PSORS1C1: variants seen among roughly 807,000 people sequenced by gnomAD.
PSORS1C1 encodes the protein psoriasis susceptibility 1 candidate 1, also known as psoriasis susceptibility 1 candidate gene 1 protein.
In PSORS1C1, 7 loss-of-function variants were observed where a neutral mutation model predicts 9.4. The observed-to-expected ratio is 0.75, with a 90% CI of 0.42 to 1.40. The LOEUF (loss-of-function observed/expected upper bound fraction) is 1.40. PSORS1C1 is among the 40% of genes most tolerant of loss of function. The pLI is 0.01. For synonymous variants in PSORS1C1, 63 were observed against 69.4 expected, an observed-to-expected ratio of 0.91 and a Z score of 0.46; for missense variants, 146 against 178.1, an observed-to-expected ratio of 0.82 and a Z score of 1.02.
intron 3 of PSORS1C1, among the ~76,000 whole-genome samples, chr6:31,130,133 C>T (rs1164359067): frequency 6.7e-6 from 1 of 149,300 alleles, no homozygotes; most frequent in Non-Finnish European, 1.5e-5. Flanking sequence ...TTTTTTCCTC[C>T]TAACTAATTC....
intron 3 of PSORS1C1, among the ~76,000 whole-genome samples, chr6:31,131,597 C>CAAAAAAAA (rs9281219): frequency 1.9e-4 from 15 of 78,396 alleles, no homozygotes; most frequent in Non-Finnish European, 2.6e-4. Context: ...GACTCCGTCT[C>CAAAAAAAA]AAAAAAAAAA....
At chr6:31,117,243 A>T in intron 1 of PSORS1C1, 1 of 1,612,188 alleles carries the variant, frequency 6.2e-7, no homozygotes, top group Non-Finnish European at 8.5e-7. Flanking sequence ...CACCTTGTAG[A>T]CTAGAGCCAG....
chr6:31,123,432 C>A (rs1772549047), intron 1 of PSORS1C1, among the ~76,000 whole-genome samples: 1 of 152,226 alleles, frequency 6.6e-6, no homozygotes, highest in African/African-American at 2.4e-5. Context: ...AGGGCATCAG[C>A]TGAGTGCCCA....
Position 31,114,897 on chromosome 6 carries a change from G to A in PSORS1C1, c.-229+6G>A, listed in dbSNP as rs1233618677. 1 of 445,874 alleles carries A rather than the reference G, an allele frequency of 2.2e-6. No individual in the cohort carries two copies. Among genetic ancestry groups the A allele is most frequent in the Non-Finnish European group, 4.5e-6 (1 of 223,288 alleles). The allele number at this position is 445,874 out of a possible 1,614,324, so 27.6% of individuals were successfully genotyped here. A position where few individuals can be genotyped will look rare whatever the true frequency, so the allele number is the denominator to read the frequency against. ...GAGAGGATGGCATCTAGAAGGTGAGGAATGCTAATGGTGGAAGAAAAGGAG... is the reference window on the plus strand; with the variant it reads ...GAGAGGATGGCATCTAGAAGGTGAGAAATGCTAATGGTGGAAGAAAAGGAG... On this transcript the variant is annotated splice_donor_region_variant and intron_variant, in intron 1 of 5. Coordinates refer to ENST00000259881, the MANE Select transcript of PSORS1C1 (RefSeq NM_014068.3).
chr6:31,116,636 C>T, intron 1 of PSORS1C1: 5 of 1,613,056 alleles, frequency 3.1e-6, no homozygotes, highest in Non-Finnish European at 4.2e-6. Flanking sequence ...ACAGGGTTCT[C>T]TTTGGTGAAG....
chr6:31,119,454 G>T (rs899612250), intron 1 of PSORS1C1, among the ~76,000 whole-genome samples: 7 of 152,166 alleles, frequency 4.6e-5, no homozygotes, highest in Non-Finnish European at 8.8e-5. Context: ...CACAGGTCCA[G>T]GGGTTGCCCG....
At chr6:31,120,326 G>A in intron 1 of PSORS1C1, 1 of 1,569,114 alleles carries the variant, frequency 6.4e-7, no homozygotes, top group Non-Finnish European at 8.6e-7. Context: ...AGGGCCCCCA[G>A]CCTCCTACCT....
chr6:31,121,174 G>GGC (rs1554340532), intron 1 of PSORS1C1, among the ~76,000 whole-genome samples: 3 of 54,926 alleles, frequency 5.5e-5, no homozygotes, highest in African/African-American at 4.0e-4. Flanking sequence ...TGGCGGGGGT[G>GGC]GGGGGGTGCT....
chr6:31,137,579 CT>C (rs201861237), intron 3 of PSORS1C1: 11,548 of 290,010 alleles, frequency 0.04, 389 homozygotes, highest in South Asian at 0.063. Flanking sequence ...GAAGCAGCAG[CT>C]GTCTACTGAT....
intron 1 of PSORS1C1, chr6:31,120,524 A>T: frequency 9.6e-7 from 1 of 1,042,078 alleles, no homozygotes; most frequent in Non-Finnish European, 1.4e-6. Flanking sequence ...GGAGAGGAGG[A>T]GAGGTGGAGG....
intron 1 of PSORS1C1, among the ~76,000 whole-genome samples, chr6:31,119,064 G>T (rs1772323645): frequency 6.6e-6 from 1 of 151,854 alleles, no homozygotes; most frequent in Admixed American, 6.6e-5. Flanking sequence ...GGCTGGTCTT[G>T]AACTCCTAAC....
chr6:31,138,912 G>T lies in PSORS1C1; in HGVS notation c.167+133G>T. On this transcript the variant is annotated intron_variant, in intron 5 of 5. Transcript: ENST00000259881. ...AACCCCATGCGTCCAGTTCACCTCC[G>T]CCATCTTGAGTATCCCTCATCACCC... is the stretch of plus-strand genomic sequence containing the variant. 4.4e-6 allele frequency: 7 copies of T among 1,598,942 alleles called. No individual in the cohort carries two copies. The South Asian group carries it at 6.6e-5, about 15-fold the overall frequency.
intron 1 of PSORS1C1, among the ~76,000 whole-genome samples, chr6:31,124,160 G>A (rs1373038582): frequency 4.6e-5 from 7 of 152,158 alleles, no homozygotes. Context: ...GTGAGAGGGT[G>A]CAGGGAACCA....
chr6:31,137,799 A>C (rs1381057770), intron 3 of PSORS1C1: 3 of 432,142 alleles, frequency 6.9e-6, no homozygotes, highest in Non-Finnish European at 1.2e-5. Flanking sequence ...AATATTGAGA[A>C]CACCACCTTA....
chr6:31,136,904 C>T (rs1381675676), intron 3 of PSORS1C1, among the ~76,000 whole-genome samples: 1 of 150,676 alleles, frequency 6.6e-6, no homozygotes, highest in Non-Finnish European at 1.5e-5. Flanking sequence ...TAATCCCAGC[C>T]CTTTGGGAGG....
intron 3 of PSORS1C1, 155 bp from the exon 4 acceptor site, chr6:31,138,275 G>A (rs1191440654): frequency 1.9e-6 from 3 of 1,582,958 alleles, no homozygotes; most frequent in Non-Finnish European, 2.6e-6. Context: ...CTGCGGGTGG[G>A]TGAGAGGGGT....
chr6:31,127,297 A>G (rs1293129535), intron 2 of PSORS1C1, among the ~76,000 whole-genome samples: 1 of 151,970 alleles, frequency 6.6e-6, no homozygotes, highest in Non-Finnish European at 1.5e-5. Flanking sequence ...TCTGGGTGAG[A>G]GTCCTCACAG....
chr6:31,135,647 C>T (rs1004715263), intron 3 of PSORS1C1, among the ~76,000 whole-genome samples: 2 of 152,154 alleles, frequency 1.3e-5, no homozygotes, highest in African/African-American at 2.4e-5. Flanking sequence ...TTAAAAAATA[C>T]GTGAACAAGC....
chr6:31,115,032 G>A lies in PSORS1C1; in HGVS notation c.-229+141G>A, dbSNP rs1772030943. Reference sequence around the variant, plus strand: ...GGAATGGGAAGAGAATGGATTTCCTGGAGCAATGAGAGAGGAGGGAAATGG... The same window carrying A: ...GGAATGGGAAGAGAATGGATTTCCTAGAGCAATGAGAGAGGAGGGAAATGG... On this transcript the variant is annotated intron_variant, in intron 1 of 5. Transcript: ENST00000259881. The surrounding 1 kb of genome is among the most constrained non-coding windows in gnomAD (Gnocchi z 4.2). 1 of 375,882 alleles carries A rather than the reference G, an allele frequency of 2.7e-6. No homozygotes were observed. Among genetic ancestry groups the A allele is most frequent in the African/African-American group, 2.1e-5 (1 of 47,432 alleles). 23.3% of individuals were successfully genotyped at this position (375,882 alleles called of 1,614,324 possible). A position where few individuals can be genotyped will look rare whatever the true frequency, so the allele number is the denominator to read the frequency against.
Sources: allele counts gnomAD v4.1 joint callset (sites outside exome capture counted in the v4.1 genomes callset), GRCh38; gene constraint gnomAD v4.1.1; non-coding constraint Gnocchi (gnomAD v3.1); transcripts MANE v1.5; gene names NCBI Gene and HGNC (gene_info 2026-07-23, HGNC 2026-07-21).